Variants in CRY1 observed in about 807,000 individuals in gnomAD.
The protein encoded by CRY1 is cryptochrome circadian regulator 1.
In CRY1, 45 loss-of-function variants were observed where a neutral mutation model predicts 76.0. The ratio of observed to expected loss-of-function variants is 0.59; its 90% CI spans 0.47 to 0.76. CRY1 has a LOEUF of 0.76. Among genes scored for constraint, CRY1 ranks in the 30% least tolerant of loss-of-function variants. CRY1 has a pLI of 0.00. For synonymous variants in CRY1, 248 were observed against 244.0 expected, an observed-to-expected ratio of 1.02 and a Z score of -0.15; for missense variants, 587 against 716.4, an observed-to-expected ratio of 0.82 and a Z score of 2.06.
chr12:107,023,464 G>A (rs1424681334), intron 1 of CRY1, among the ~76,000 whole-genome samples: 2 of 152,136 alleles, frequency 1.3e-5, no homozygotes, highest in East Asian at 3.8e-4. Flanking sequence ...AGTTCTACTG[G>A]ACAGATTGTT....
intron 2 of CRY1, among the ~76,000 whole-genome samples, chr12:107,011,493 CAT>C (rs1193656412): frequency 1.3e-5 from 2 of 151,974 alleles, no homozygotes; most frequent in Non-Finnish European, 2.9e-5. Flanking sequence ...ACACATGAAT[CAT>C]AAAAAAAAAC....
At chr12:107,044,675 T>C (rs1025825948) in intron 1 of CRY1, among the ~76,000 whole-genome samples, 2 of 152,022 alleles carry the variant, frequency 1.3e-5, no homozygotes, top group South Asian at 4.1e-4. Flanking sequence ...CAAAGAGATA[T>C]AAATAAAAAG....
At chr12:107,017,826 G>A (rs565326282) in intron 2 of CRY1, among the ~76,000 whole-genome samples, 1 of 152,266 alleles carries the variant, frequency 6.6e-6, no homozygotes, top group East Asian at 1.9e-4. Flanking sequence ...CTCTTCATAT[G>A]CTTGCTCAAA....
chr12:107,005,346 G>A (rs1029159564), intron 2 of CRY1, 98 bp from the exon 3 acceptor site: 12 of 1,258,248 alleles, frequency 9.5e-6, no homozygotes, highest in Non-Finnish European at 9.7e-6. Flanking sequence ...CATATCAAAG[G>A]ATTATACATA....
chr12:107,080,659 T>A (rs937770660), intron 1 of CRY1, among the ~76,000 whole-genome samples: 10 of 150,362 alleles, frequency 6.7e-5, no homozygotes, highest in African/African-American at 2.5e-4. Flanking sequence ...TAAAAAAAAA[T>A]AAAAAAGAAA....
intron 1 of CRY1, among the ~76,000 whole-genome samples, chr12:107,062,025 C>CAAAAAAAAAA (rs35683352): frequency 3.2e-5 from 3 of 93,552 alleles, no homozygotes; most frequent in African/African-American, 4.7e-5. Flanking sequence ...GACCCTGTCT[C>CAAAAAAAAAA]AAAAAAAAAA....
At chr12:107,009,284 C>T (rs1400149240) in intron 2 of CRY1, among the ~76,000 whole-genome samples, 2 of 151,960 alleles carry the variant, frequency 1.3e-5, no homozygotes, top group African/African-American at 2.4e-5. Context: ...TGGCTCACAC[C>T]AGTGAGCTCT....
chr12:107,069,119 G>A (rs1953147880), intron 1 of CRY1, among the ~76,000 whole-genome samples: 1 of 152,038 alleles, frequency 6.6e-6, no homozygotes, highest in Non-Finnish European at 1.5e-5. Context: ...ACTTTTTGTG[G>A]AAATGGCAAA....
intron 1 of CRY1, among the ~76,000 whole-genome samples, chr12:107,059,966 A>G (rs1253056046): frequency 1.3e-5 from 2 of 152,246 alleles, no homozygotes; most frequent in African/African-American, 4.8e-5. Flanking sequence ...ATAAATAAAT[A>G]TTTTGGTACT....
At chr12:107,083,704 A>G (rs1953357776) in intron 1 of CRY1, among the ~76,000 whole-genome samples, 1 of 152,214 alleles carries the variant, frequency 6.6e-6, no homozygotes, top group Non-Finnish European at 1.5e-5. Context: ...GAATAATAAG[A>G]GCTATTTATG....
intron 1 of CRY1, among the ~76,000 whole-genome samples, chr12:107,084,651 C>T (rs900535062): frequency 1.3e-5 from 2 of 152,170 alleles, no homozygotes; most frequent in Non-Finnish European, 2.9e-5. Flanking sequence ...CCCTTCCTTA[C>T]ACTGTATACA....
At chr12:106,999,453 C>A (rs895992771) in intron 7 of CRY1, 98 bp downstream of exon 7, 2 of 1,158,354 alleles carry the variant, frequency 1.7e-6, no homozygotes, top group South Asian at 1.6e-5. Context: ...AAAAACTACA[C>A]CATAAATGAA....
chr12:107,035,832 A>G (rs542389967), intron 1 of CRY1, among the ~76,000 whole-genome samples: 5 of 152,308 alleles, frequency 3.3e-5, no homozygotes, highest in African/African-American at 1.2e-4. Context: ...ATTGCCTCAG[A>G]CCATCTCCTC....
chr12:107,051,130 T>C (rs1952914374), intron 1 of CRY1, among the ~76,000 whole-genome samples: 2 of 152,206 alleles, frequency 1.3e-5, no homozygotes, highest in African/African-American at 4.8e-5. Context: ...TTCAATTACA[T>C]GCGTTTACAC....
At chr12:107,088,361 C>T (rs943129824) in intron 1 of CRY1, among the ~76,000 whole-genome samples, 3 of 152,212 alleles carry the variant, frequency 2.0e-5, no homozygotes, top group Admixed American at 1.3e-4. Flanking sequence ...TTTCTGAGGT[C>T]CTCACCAGAA....
intron 2 of CRY1, among the ~76,000 whole-genome samples, chr12:107,015,884 C>T (rs1952493084): frequency 6.6e-6 from 1 of 152,148 alleles, no homozygotes; most frequent in South Asian, 2.1e-4. Flanking sequence ...CAGAGTCTCA[C>T]TATGTTGCCC....
chr12:107,030,045 A>T (rs1028536197), intron 1 of CRY1, among the ~76,000 whole-genome samples: 39 of 152,146 alleles, frequency 2.6e-4, no homozygotes, highest in Non-Finnish European at 4.6e-4. Flanking sequence ...TGGCCACTGG[A>T]CTGTAGCCTG....
Position 107,092,941 on chromosome 12 carries a change from G to A in CRY1, c.21C>T (p.His7=), listed in dbSNP as rs140867942. 129 of 1,590,094 alleles carry A rather than the reference G, an allele frequency of 8.1e-5. No homozygotes were observed. The African/African-American group carries it at 1.2e-3, about 15-fold the overall frequency. Residue 7 remains histidine (H), a synonymous_variant, in exon 1 of 13, where the codon CAC becomes CAT. Coordinates refer to ENST00000008527, the MANE Select transcript of CRY1 (RefSeq NM_004075.5). MGVNAV[H]WFRKGLRLHD... is the part of the protein sequence containing the mutation. The stretch of plus-strand genomic sequence containing the variant: ...GGAGCCGGAGCCCCTTTCGGAACCA[G>A]TGCACGGCGTTCACCCCCATGCCGG...
chr12:106,997,724 T>G (rs1566240204), intron 8 of CRY1, 34 bp from the exon 9 acceptor site: 1 of 1,609,344 alleles, frequency 6.2e-7, no homozygotes, highest in Admixed American at 1.7e-5. Flanking sequence ...ACTAATAAAA[T>G]GCACTCTAAG....
Sources: gnomAD v4.1 joint callset for allele counts (sites outside exome capture counted in the v4.1 genomes callset) on GRCh38, gnomAD v4.1.1 for gene constraint, MANE v1.5 for transcripts, NCBI Gene and HGNC (gene_info 2026-07-23, HGNC 2026-07-21) for gene names.